The following CSMD1 variants were observed in gnomAD, a reference collection of about 807,000 sequenced individuals.
The protein encoded by CSMD1 is CUB and Sushi multiple domains 1.
Under a neutral mutation model 417.5 loss-of-function variants are expected in CSMD1, and 213 were observed. The ratio of observed to expected loss-of-function variants is 0.51; its 90% CI spans 0.46 to 0.57. The LOEUF (loss-of-function observed/expected upper bound fraction) is 0.57, where lower values mean the gene tolerates loss of function less well. Ranked by LOEUF, CSMD1 falls within the 20% of genes least tolerant of loss-of-function variation. The pLI is 0.00. For missense variants in CSMD1, 6,923 were observed against 4,529.7 expected (o/e 1.53, Z -15.17); for synonymous variants, 2,862 against 1,736.8 (o/e 1.65, Z -16.11).
At chr8:4,621,154 G>C (rs939058699) in intron 2 of CSMD1, among the ~76,000 whole-genome samples, 2 of 151,854 alleles carry the variant, frequency 1.3e-5, no homozygotes, top group South Asian at 2.1e-4. Context: ...TTCTTTTTTC[G>C]AATTTTGGAA....
chr8:3,746,698 A>G lies in CSMD1; in HGVS notation c.931+7232T>C, dbSNP rs552469280. Among the ~76,000 whole-genome samples the G allele has an allele frequency of 7.9e-5, 12 of 152,368 alleles. No homozygotes were observed. The South Asian group carries it at 2.5e-3, about 32-fold the overall frequency. ...AGAAATTATCCCCAATATCTACTCAAAATAATTACAACTAATATTTAAGTG... is the reference window on the plus strand; with the variant it reads ...AGAAATTATCCCCAATATCTACTCAGAATAATTACAACTAATATTTAAGTG... On this transcript the variant is annotated intron_variant, in intron 6 of 69. Transcript: ENST00000635120.
intron 2 of CSMD1, among the ~76,000 whole-genome samples, chr8:4,571,100 G>T (rs529596283): frequency 1.3e-5 from 2 of 152,134 alleles, no homozygotes; most frequent in Admixed American, 6.5e-5. Flanking sequence ...TCAGCTCCTG[G>T]ATTCACTGAG....
At chr8:4,805,287 TA>T (rs1798523929) in intron 1 of CSMD1, among the ~76,000 whole-genome samples, 1 of 152,254 alleles carries the variant, frequency 6.6e-6, no homozygotes, top group African/African-American at 2.4e-5. Flanking sequence ...TATATCTTTT[TA>T]TTCTATGCAA....
At chr8:3,967,907 C>T (rs1812796306) in intron 5 of CSMD1, among the ~76,000 whole-genome samples, 1 of 150,758 alleles carries the variant, frequency 6.6e-6, no homozygotes, top group Non-Finnish European at 1.5e-5. Context: ...GTGGCTCACA[C>T]GTGTAATCCC....
intron 5 of CSMD1, among the ~76,000 whole-genome samples, chr8:3,910,606 A>C (rs1225981639): frequency 6.6e-6 from 1 of 152,220 alleles, no homozygotes; most frequent in Non-Finnish European, 1.5e-5. Context: ...ACACAGCAAA[A>C]GACAGATGAT....
At chr8:4,102,991 T>C (rs1428434076) in intron 3 of CSMD1, among the ~76,000 whole-genome samples, 1 of 152,096 alleles carries the variant, frequency 6.6e-6, no homozygotes, top group Non-Finnish European at 1.5e-5. Flanking sequence ...CAAATAAAAA[T>C]ATTTGTATTC....
intron 5 of CSMD1, among the ~76,000 whole-genome samples, chr8:3,941,200 G>A (rs953055699): frequency 2.6e-5 from 4 of 152,062 alleles, no homozygotes; most frequent in African/African-American, 9.7e-5. Context: ...TTTAAATTGT[G>A]CTAGAGAACA....
intron 4 of CSMD1, among the ~76,000 whole-genome samples, chr8:3,999,276 GGA>G (rs964711623): frequency 6.6e-6 from 1 of 151,990 alleles, no homozygotes; most frequent in African/African-American, 2.4e-5. Flanking sequence ...CAAGATGGGG[GGA>G]GTTTGCTGTA....
chr8:4,824,326 G>A (rs1254363159), intron 1 of CSMD1, among the ~76,000 whole-genome samples: 1 of 152,054 alleles, frequency 6.6e-6, no homozygotes, highest in Non-Finnish European at 1.5e-5. Context: ...GTGTTATTTG[G>A]TTGGGAGGTA....
chr8:4,652,815 G>C (rs1276910334), intron 1 of CSMD1, among the ~76,000 whole-genome samples: 2 of 152,102 alleles, frequency 1.3e-5, no homozygotes, highest in Non-Finnish European at 2.9e-5. Context: ...TGGGGCATTA[G>C]ATTCTCATAA....
At chr8:4,696,411 A>T (rs910398007) in intron 1 of CSMD1, among the ~76,000 whole-genome samples, 15 of 152,196 alleles carry the variant, frequency 9.9e-5, no homozygotes, top group African/African-American at 1.4e-4. Context: ...TATCACTGAA[A>T]CATCCTGCTT....
intron 3 of CSMD1, among the ~76,000 whole-genome samples, chr8:4,317,365 C>G (rs1798994018): frequency 6.6e-6 from 1 of 152,132 alleles, no homozygotes; most frequent in Non-Finnish European, 1.5e-5. Flanking sequence ...GTGTTATAAG[C>G]TGTGGCTCTT....
Position 2,963,306 on chromosome 8 carries a change from T to G in CSMD1, c.9370A>C (p.Met3124Leu), listed in dbSNP as rs559439108. ...RWGSSISYSC[M>L]DGYQLSHSAI... Reference sequence around the variant, plus strand: ...GAGTGAGAGAGCTGGTAACCGTCCATGCAGCTGTAACTTATGCTGGAGCCC... The same window carrying G: ...GAGTGAGAGAGCTGGTAACCGTCCAGGCAGCTGTAACTTATGCTGGAGCCC... Residue 3124 changes from methionine to leucine, a missense_variant, in exon 60 of 70, where the codon ATG becomes CTG. Transcript: ENST00000635120. 5.1e-5 allele frequency: 82 copies of G among 1,613,972 alleles called. No homozygotes were observed. The East Asian group carries it at 1.8e-3, about 36-fold the overall frequency.
At chr8:3,684,162 TAA>T (rs1457567650) in intron 7 of CSMD1, among the ~76,000 whole-genome samples, 2 of 143,100 alleles carry the variant, frequency 1.4e-5, no homozygotes, top group Non-Finnish European at 3.0e-5. Flanking sequence ...ATAATTTATA[TAA>T]TATATATTTA....
intron 2 of CSMD1, among the ~76,000 whole-genome samples, chr8:4,523,021 G>C (rs1306725733): frequency 6.6e-6 from 1 of 152,144 alleles, no homozygotes; most frequent in Non-Finnish European, 1.5e-5. Context: ...TTGTGTTAAT[G>C]ACAAAATGAG....
chr8:4,608,193 C>G (rs1412186064), intron 2 of CSMD1, among the ~76,000 whole-genome samples: 1 of 152,134 alleles, frequency 6.6e-6, no homozygotes, highest in Non-Finnish European at 1.5e-5. Context: ...AAGAGTTTGA[C>G]TTCTACTCCA....
intron 2 of CSMD1, among the ~76,000 whole-genome samples, chr8:4,473,946 T>C (rs1800665872): frequency 6.6e-6 from 1 of 152,130 alleles, no homozygotes. Context: ...CAAATGGTTT[T>C]CTACTGGGGG....
chr8:4,029,531 G>A (rs752556416), intron 4 of CSMD1, among the ~76,000 whole-genome samples: 1 of 152,074 alleles, frequency 6.6e-6, no homozygotes, highest in African/African-American at 2.4e-5. Context: ...AACAGCGCAG[G>A]AAAGAACTGC....
chr8:4,521,164 G>T (rs1171495856), intron 2 of CSMD1, among the ~76,000 whole-genome samples: 2 of 151,928 alleles, frequency 1.3e-5, no homozygotes, highest in African/African-American at 4.8e-5. Context: ...CTTACAAAAA[G>T]AACTAAATAA....
Sources: gnomAD v4.1 joint callset for allele counts (sites outside exome capture counted in the v4.1 genomes callset) on GRCh38, gnomAD v4.1.1 for gene constraint, MANE v1.5 for transcripts, NCBI Gene and HGNC (gene_info 2026-07-23, HGNC 2026-07-21) for gene names.